Variants in UBL3 observed in about 807,000 individuals in gnomAD.
The protein encoded by UBL3 is ubiquitin-like protein 3.
Under a neutral mutation model 18.4 loss-of-function variants are expected in UBL3, and 6 were observed. That is an observed-to-expected ratio of 0.33 (90% CI 0.18 to 0.64). The LOEUF is 0.64. Among genes scored for constraint, UBL3 ranks in the 30% least tolerant of loss-of-function variants. The probability of loss-of-function intolerance (pLI) is 0.76; values close to 1 mark genes in which losing one functional copy is unlikely to be tolerated. For synonymous variants in UBL3, 49 were observed against 46.6 expected (o/e 1.05, Z -0.21); for missense variants, 109 against 142.9 (o/e 0.76, Z 1.21).
At chr13:29,813,320 T>C (rs541691852) in intron 1 of UBL3, among the ~76,000 whole-genome samples, 3 of 152,178 alleles carry the variant, frequency 2.0e-5, no homozygotes, top group Admixed American at 1.3e-4. Flanking sequence ...TCTTCTTCAT[T>C]TTCTCTTTGC....
intron 1 of UBL3, among the ~76,000 whole-genome samples, chr13:29,784,922 T>C (rs1417285386): frequency 6.6e-6 from 1 of 152,196 alleles, no homozygotes; most frequent in Non-Finnish European, 1.5e-5. Context: ...CCAATTTCTT[T>C]TGAGACGGAG....
chr13:29,775,012 A>C (rs1322076773), intron 2 of UBL3, among the ~76,000 whole-genome samples: 1 of 152,196 alleles, frequency 6.6e-6, no homozygotes, highest in African/African-American at 2.4e-5. Flanking sequence ...CCTATGAGAA[A>C]ACTGAGTAAC....
intron 1 of UBL3, among the ~76,000 whole-genome samples, chr13:29,777,869 C>A (rs1347967830): frequency 6.6e-6 from 1 of 152,062 alleles, no homozygotes; most frequent in Non-Finnish European, 1.5e-5. Context: ...CAAGCTCAAT[C>A]CATTCTCCTG....
In UBL3 at chr13:29,765,482, C is replaced by T. The variant is rs1876652651; in HGVS notation, c.*1773G>A. ...ATATCAAAGATACATTGGGAATACT[C>T]CCCAAAACAACAACAGAATATTAAT... On this transcript the variant is annotated 3_prime_UTR_variant, in exon 5 of 5. Coordinates refer to ENST00000380680, the MANE Select transcript of UBL3 (RefSeq NM_007106.4). 6.6e-6 allele frequency: 1 copy of T among 152,056 alleles called. No individual in the cohort carries two copies. The highest frequency in any genetic ancestry group is 1.5e-5 in the Non-Finnish European group (1 of 67,982). The allele number at this position is 152,056 out of a possible 1,614,324, so 9.4% of individuals were successfully genotyped here.
At position 29,835,112 on chromosome 13, in the gene UBL3, AT is replaced by A. The variant is rs1566000983; in HGVS notation, c.27+14399del. ...TAAATATATATATATATATAAATAT[AT>A]ATATATATATAAATATATATATATA... On this transcript the variant is annotated intron_variant, in intron 1 of 4. Transcript: ENST00000380680. 1.8e-3 allele frequency among the ~76,000 whole-genome samples: 52 copies of A among 28,974 alleles called. 6 individuals carry two copies. The highest frequency in any genetic ancestry group is 4.6e-3 in the African/African-American group (21 of 4,530). The allele number at this position is 28,974 out of a possible 152,430, so 19.0% of individuals were successfully genotyped here. A position where few individuals can be genotyped will look rare whatever the true frequency, so the allele number is the denominator to read the frequency against.
intron 1 of UBL3, among the ~76,000 whole-genome samples, chr13:29,814,289 A>C (rs905174613): frequency 1.3e-5 from 2 of 152,082 alleles, no homozygotes; most frequent in Admixed American, 1.3e-4. Flanking sequence ...TCCTTAACTA[A>C]AACTGAGCCT....
chr13:29,772,016 T>C, intron 3 of UBL3, 96 bp downstream of exon 3: 1 of 1,017,844 alleles, frequency 9.8e-7, no homozygotes, highest in South Asian at 1.6e-5. Context: ...GAATTTATCA[T>C]TTTTTTTAGC....
intron 1 of UBL3, chr13:29,777,499 C>CA: frequency 1.6e-6 from 1 of 618,530 alleles, no homozygotes; most frequent in Admixed American, 1.8e-5. Context: ...AATAAATGAA[C>CA]AAAGGAAAAC....
chr13:29,801,058 T>A (rs1218025030), intron 1 of UBL3, among the ~76,000 whole-genome samples: 1 of 152,212 alleles, frequency 6.6e-6, no homozygotes, highest in Non-Finnish European at 1.5e-5. Flanking sequence ...GTGGCAGCTC[T>A]GCATTTCTCT....
At position 29,849,726 on chromosome 13, in the gene UBL3, T is replaced by A. The variant is rs1255181996; in HGVS notation, c.-188A>T. 5.6e-6 allele frequency: 4 copies of A among 709,522 alleles called. No individual in the cohort carries two copies. The African/African-American group carries it at 7.1e-5, about 13-fold the overall frequency. 44.0% of individuals were successfully genotyped at this position (709,522 alleles called of 1,614,324 possible). On this transcript the variant is annotated 5_prime_UTR_variant, in exon 1 of 5. Coordinates refer to ENST00000380680, the MANE Select transcript of UBL3 (RefSeq NM_007106.4). ...GAGGTTCTGGTTCGAAGAGGAACAA[T>A]CCCCAGGAGCTGTGTGGCCGGAGCA...
intron 2 of UBL3, among the ~76,000 whole-genome samples, chr13:29,776,119 T>G (rs1455808038): frequency 1.3e-5 from 2 of 152,122 alleles, no homozygotes; most frequent in African/African-American, 4.8e-5. Context: ...ATAGGCTATC[T>G]AGAGAAGACC....
chr13:29,786,288 C>T (rs1398477536), intron 1 of UBL3, among the ~76,000 whole-genome samples: 1 of 152,200 alleles, frequency 6.6e-6, no homozygotes, highest in East Asian at 1.9e-4. Flanking sequence ...GCTCCAACCA[C>T]AGGGGTCTTT....
chr13:29,780,390 ATG>A (rs1555232308), intron 1 of UBL3, among the ~76,000 whole-genome samples: 8 of 92,146 alleles, frequency 8.7e-5, no homozygotes, highest in South Asian at 4.2e-4. Flanking sequence ...ATATATATAT[ATG>A]TGTGTGTGTG....
At chr13:29,820,169 CTTTTTTTTTTT>C (rs36050662) in intron 1 of UBL3, among the ~76,000 whole-genome samples, 2 of 104,974 alleles carry the variant, frequency 1.9e-5, no homozygotes, top group Admixed American at 1.0e-4. Flanking sequence ...CTCAGAGTTC[CTTTTTTTTTTT>C]TTTTTTTTTT....
At chr13:29,803,990 T>C (rs1877838698) in intron 1 of UBL3, among the ~76,000 whole-genome samples, 1 of 151,930 alleles carries the variant, frequency 6.6e-6, no homozygotes, top group South Asian at 2.1e-4. Context: ...TTCTTCAGAA[T>C]GTATATTCTT....
At chr13:29,836,495 A>T (rs904774919) in intron 1 of UBL3, among the ~76,000 whole-genome samples, 1 of 152,096 alleles carries the variant, frequency 6.6e-6, no homozygotes, top group Non-Finnish European at 1.5e-5. Flanking sequence ...AATGCCCCTA[A>T]ATCCCCAGCT....
At chr13:29,820,105 CGAGT>C (rs67716372) in intron 1 of UBL3, among the ~76,000 whole-genome samples, 38,632 of 150,246 alleles carry the variant, frequency 0.26, 5,049 homozygotes, top group East Asian at 0.41. Flanking sequence ...TAGTAGTATG[CGAGT>C]GACCCTGAAA....
chr13:29,813,171 G>C (rs1448094440), intron 1 of UBL3, among the ~76,000 whole-genome samples: 1 of 151,966 alleles, frequency 6.6e-6, no homozygotes, highest in African/African-American at 2.4e-5. Flanking sequence ...AATTGCTATA[G>C]TTTTAATTTA....
At chr13:29,773,860 G>A (rs1412442921) in intron 2 of UBL3, among the ~76,000 whole-genome samples, 1 of 152,108 alleles carries the variant, frequency 6.6e-6, no homozygotes, top group Admixed American at 6.6e-5. Context: ...AATAGCAGAA[G>A]GGTATGCTAA....
Sources: allele counts gnomAD v4.1 joint callset (sites outside exome capture counted in the v4.1 genomes callset), GRCh38; gene constraint gnomAD v4.1.1; transcripts MANE v1.5; gene names NCBI Gene and HGNC (gene_info 2026-07-23, HGNC 2026-07-21).